Variants in CLASP2 observed in about 807,000 individuals in gnomAD.
CLASP2 encodes CLIP-associating protein 2.
CLASP2 carries 47 observed loss-of-function variants against 194.4 expected under a neutral mutation model. The ratio of observed to expected loss-of-function variants is 0.24; its 90% CI spans 0.19 to 0.31. The LOEUF (loss-of-function observed/expected upper bound fraction) is 0.31, where lower values mean the gene tolerates loss of function less well. Among genes scored for constraint, CLASP2 ranks in the 10% least tolerant of loss-of-function variants. CLASP2 has a pLI of 1.00. For missense variants in CLASP2, 1,445 were observed against 1,823.6 expected, an observed-to-expected ratio of 0.79 and a Z score of 3.78; for synonymous variants, 619 against 633.5, an observed-to-expected ratio of 0.98 and a Z score of 0.34.
At chr3:33,506,078 A>G (rs2048092180) in intron 37 of CLASP2, among the ~76,000 whole-genome samples, 1 of 151,510 alleles carries the variant, frequency 6.6e-6, no homozygotes, top group East Asian at 1.9e-4. Flanking sequence ...GATACTTAGA[A>G]TTTGCTTTGA....
intron 7 of CLASP2, among the ~76,000 whole-genome samples, chr3:33,660,468 T>C (rs920269379): frequency 7.2e-5 from 11 of 152,250 alleles, no homozygotes; most frequent in African/African-American, 2.4e-4. Flanking sequence ...CTTTTAGCTA[T>C]AAAAAAGTTA....
At chr3:33,539,488 C>G (rs367828967) in intron 32 of CLASP2, among the ~76,000 whole-genome samples, 1 of 152,064 alleles carries the variant, frequency 6.6e-6, no homozygotes, top group East Asian at 1.9e-4. Flanking sequence ...GCGCCGGCCA[C>G]CACACCTGGC....
intron 34 of CLASP2, among the ~76,000 whole-genome samples, chr3:33,524,167 G>C (rs1258815219): frequency 6.6e-6 from 1 of 151,826 alleles, no homozygotes; most frequent in African/African-American, 2.4e-5. Context: ...GGATGAAAAA[G>C]GACAGAAAGA....
At chr3:33,585,040 A>G in intron 21 of CLASP2, 120 bp from the exon 22 acceptor site, 1 of 794,194 alleles carries the variant, frequency 1.3e-6, no homozygotes, top group Non-Finnish European at 1.9e-6. Flanking sequence ...GGCAGGTTCT[A>G]CGCTCAAAGG....
At chr3:33,655,427 T>C (rs2083978632) in intron 7 of CLASP2, among the ~76,000 whole-genome samples, 1 of 152,096 alleles carries the variant, frequency 6.6e-6, no homozygotes, top group African/African-American at 2.4e-5. Context: ...GAAGGTACCA[T>C]AGGGTGGCTT....
Position 33,695,958 on chromosome 3 carries a change from C to T in CLASP2, c.274+897G>A, listed in dbSNP as rs2091850692. Reference sequence around the variant, plus strand: ...CAACTTTGTAATCCTAATAACCATACAAAGAAGAGCATTATCCTACCATAT... The same window carrying T: ...CAACTTTGTAATCCTAATAACCATATAAAGAAGAGCATTATCCTACCATAT... On this transcript the variant is annotated intron_variant, in intron 2 of 38. Transcript: ENST00000682230. Among the ~76,000 whole-genome samples the T allele has an allele frequency of 3.3e-5, 5 of 152,116 alleles. No homozygotes were observed. The South Asian group carries it at 1.0e-3, about 32-fold the overall frequency.
intron 6 of CLASP2, among the ~76,000 whole-genome samples, chr3:33,677,709 A>AATG (rs1050614837): frequency 6.6e-6 from 1 of 151,346 alleles, no homozygotes; most frequent in Non-Finnish European, 1.5e-5. Context: ...TAATAATAAT[A>AATG]AAAAATAAAA....
intron 34 of CLASP2, among the ~76,000 whole-genome samples, chr3:33,524,710 G>A (rs1006819929): frequency 6.6e-6 from 1 of 151,914 alleles, no homozygotes; most frequent in Non-Finnish European, 1.5e-5. Context: ...GTGAAAAACA[G>A]GTTACAACAG....
rs573273465 is a variant in CLASP2 at position 33,506,365 on chromosome 3, G to A, written c.4317+4193C>T. Reference sequence around the variant, plus strand: ...TGCACTCCAGCCTGGGTGACAGAGTGAGACTCTGTCTCGAAAAAAAAAAAA... The same window carrying A: ...TGCACTCCAGCCTGGGTGACAGAGTAAGACTCTGTCTCGAAAAAAAAAAAA... On this transcript the variant is annotated intron_variant, in intron 37 of 38. Coordinates refer to ENST00000682230, the MANE Select transcript of CLASP2 (RefSeq NM_001365631.1). 2.3e-3 allele frequency among the ~76,000 whole-genome samples: 214 copies of A among 93,546 alleles called. 1 individual carries two copies. The highest frequency in any genetic ancestry group is 0.012 in the African/African-American group (201 of 16,178). The allele number at this position is 93,546 out of a possible 152,430, so 61.4% of individuals were successfully genotyped here. A position where few individuals can be genotyped will look rare whatever the true frequency, so the allele number is the denominator to read the frequency against.
chr3:33,641,203 GA>G (rs1487622875), intron 8 of CLASP2, among the ~76,000 whole-genome samples: 1 of 151,648 alleles, frequency 6.6e-6, no homozygotes, highest in East Asian at 1.9e-4. Flanking sequence ...GAACATTAAA[GA>G]ATTGTATTAA....
At chr3:33,512,969 C>T (rs1480489272) in intron 36 of CLASP2, among the ~76,000 whole-genome samples, 1 of 151,612 alleles carries the variant, frequency 6.6e-6, no homozygotes, top group African/African-American at 2.4e-5. Flanking sequence ...CCAGCCAGGG[C>T]GACAGAGTGA....
At chr3:33,555,890 T>C (rs545054807) in intron 29 of CLASP2, among the ~76,000 whole-genome samples, 115 of 152,336 alleles carry the variant, frequency 7.5e-4, no homozygotes, top group African/African-American at 2.7e-3. Context: ...ATGTATGTGT[T>C]TACTATACTA....
intron 10 of CLASP2, among the ~76,000 whole-genome samples, chr3:33,625,730 G>A (rs1032077853): frequency 2.0e-5 from 3 of 151,758 alleles, no homozygotes; most frequent in Middle Eastern, 3.2e-3. Flanking sequence ...GGAGCACAGT[G>A]GTACAATCAT....
At position 33,663,408 on chromosome 3, in the gene CLASP2, T is replaced by C. The variant is rs769849081; in HGVS notation, c.715+37A>G. The C allele has an allele frequency of 1.2e-5, 18 of 1,540,144 alleles. No individual in the cohort carries two copies. In the African/African-American group the frequency reaches 1.2e-4, roughly 11 times the overall value. On this transcript the variant is annotated intron_variant, in intron 7 of 38. Coordinates refer to ENST00000682230, the MANE Select transcript of CLASP2 (RefSeq NM_001365631.1). ...TTTTAGTGCCTAAAACTTTGCTAAA[T>C]AGTCTTAGAAATGTTTGAGAGCTTA...
intron 1 of CLASP2, among the ~76,000 whole-genome samples, chr3:33,701,967 G>C (rs376129840): frequency 6.6e-6 from 1 of 151,992 alleles, no homozygotes; most frequent in African/African-American, 2.4e-5. Context: ...AAGATTCTTG[G>C]AGACAACATA....
intron 33 of CLASP2, among the ~76,000 whole-genome samples, chr3:33,537,252 C>A (rs916853668): frequency 6.6e-6 from 1 of 152,118 alleles, no homozygotes; most frequent in African/African-American, 2.4e-5. Context: ...TTATTGCTAC[C>A]ACATGCAGCT....
chr3:33,660,427 A>G (rs982986090), intron 7 of CLASP2, among the ~76,000 whole-genome samples: 2 of 152,228 alleles, frequency 1.3e-5, no homozygotes, highest in Admixed American at 6.5e-5. Context: ...CAAATACTCT[A>G]TAACTCACTT....
At chr3:33,704,299 G>T (rs2092558980) in intron 1 of CLASP2, among the ~76,000 whole-genome samples, 1 of 152,196 alleles carries the variant, frequency 6.6e-6, no homozygotes, top group South Asian at 2.1e-4. Context: ...GATGCTGACA[G>T]TGGAGGAGGC....
chr3:33,550,610 C>T (rs768142228), intron 30 of CLASP2, among the ~76,000 whole-genome samples: 4 of 150,990 alleles, frequency 2.6e-5, no homozygotes, highest in Non-Finnish European at 4.4e-5. Context: ...AATAGCCATA[C>T]ACATGTAGCA....
Sources: allele counts gnomAD v4.1 joint callset (sites outside exome capture counted in the v4.1 genomes callset), GRCh38; gene constraint gnomAD v4.1.1; transcripts MANE v1.5; gene names NCBI Gene and HGNC (gene_info 2026-07-23, HGNC 2026-07-21).